The following ATP2C1 variants were observed in gnomAD, a reference collection of about 807,000 sequenced individuals.
The protein encoded by ATP2C1 is ATPase secretory pathway Ca2+ transporting 1, also known as calcium-transporting ATPase type 2C member 1.
A neutral mutation model predicts 120.5 loss-of-function variants in ATP2C1; 31 were observed. The observed-to-expected ratio is 0.26, with a 90% CI of 0.19 to 0.35. The LOEUF (loss-of-function observed/expected upper bound fraction) is 0.35. Ranked by LOEUF, ATP2C1 falls within the 10% of genes least tolerant of loss-of-function variation. The pLI, the probability that ATP2C1 is intolerant of heterozygous loss-of-function variation, is 1.00. For synonymous variants in ATP2C1, 351 were observed against 358.7 expected (o/e 0.98, Z 0.24); for missense variants, 731 against 1,107.5 (o/e 0.66, Z 4.83).
At chr3:130,916,296 A>G (rs904693742) in intron 2 of ATP2C1, among the ~76,000 whole-genome samples, 1 of 151,870 alleles carries the variant, frequency 6.6e-6, no homozygotes, top group Non-Finnish European at 1.5e-5. Flanking sequence ...TGTGCCTGTA[A>G]TCCCAGCTAC....
chr3:130,933,760 G>T (rs1303799997), intron 4 of ATP2C1, among the ~76,000 whole-genome samples: 1 of 152,192 alleles, frequency 6.6e-6, no homozygotes, highest in Non-Finnish European at 1.5e-5. Flanking sequence ...CATTGGTATT[G>T]TTAAAAGTTT....
chr3:130,907,900 A>G (rs2058211760), intron 2 of ATP2C1, among the ~76,000 whole-genome samples: 1 of 152,080 alleles, frequency 6.6e-6, no homozygotes, highest in Non-Finnish European at 1.5e-5. Flanking sequence ...AGGTACAAAC[A>G]TAAGACTTTT....
chr3:130,972,110 C>G (rs950097611), intron 17 of ATP2C1, among the ~76,000 whole-genome samples: 3 of 152,198 alleles, frequency 2.0e-5, no homozygotes, highest in South Asian at 4.1e-4. Context: ...GCATTAGATT[C>G]TCTTAAGGAG....
intron 1 of ATP2C1, among the ~76,000 whole-genome samples, chr3:130,857,264 T>C (rs2067872032): frequency 6.6e-6 from 1 of 152,242 alleles, no homozygotes; most frequent in Non-Finnish European, 1.5e-5. Context: ...TTATCATTGA[T>C]AGCTTGCATA....
chr3:130,971,930 T>C (rs2061332543), intron 17 of ATP2C1, among the ~76,000 whole-genome samples: 1 of 152,180 alleles, frequency 6.6e-6, no homozygotes, highest in Admixed American at 6.5e-5. Flanking sequence ...AAGGCTGGCA[T>C]CTCCCTACTG....
intron 18 of ATP2C1, among the ~76,000 whole-genome samples, chr3:130,977,695 G>A (rs2061583086): frequency 6.6e-6 from 1 of 152,100 alleles, no homozygotes; most frequent in South Asian, 2.1e-4. Context: ...GTTGGTAGAG[G>A]GGAAAGTTTT....
At chr3:131,006,631 GTGTT>G (rs779471458), downstream of ATP2C1, among the ~76,000 whole-genome samples, 662 of 61,578 alleles carry the variant, frequency 0.011, 5 homozygotes, top group Middle Eastern at 0.026. Context: ...TTTCTAGTGT[GTGTT>G]TGTGTGTGTG....
At chr3:130,920,235 G>A (rs530594627) in intron 2 of ATP2C1, among the ~76,000 whole-genome samples, 2 of 152,222 alleles carry the variant, frequency 1.3e-5, no homozygotes, top group African/African-American at 4.8e-5. Context: ...TATGCTTTTG[G>A]TATTAAATCC....
At chr3:130,930,327 T>A (rs1468782626) in intron 2 of ATP2C1, 89 bp from the exon 3 acceptor site, 6 of 835,396 alleles carry the variant, frequency 7.2e-6, no homozygotes, top group Non-Finnish European at 1.2e-5. Context: ...GAAAATTAGT[T>A]GCTGTGAACT....
At chr3:130,895,674 G>A (rs2069560400) in intron 2 of ATP2C1, among the ~76,000 whole-genome samples, 1 of 152,220 alleles carries the variant, frequency 6.6e-6, no homozygotes, top group African/African-American at 2.4e-5. Flanking sequence ...ATATGTGTCT[G>A]GTATAAAGGA....
At chr3:130,899,788 C>T (rs963740775) in intron 2 of ATP2C1, among the ~76,000 whole-genome samples, 22 of 152,160 alleles carry the variant, frequency 1.4e-4, no homozygotes, top group African/African-American at 3.1e-4. Flanking sequence ...CAGTAATAGT[C>T]GGGGTCAGAA....
intron 20 of ATP2C1, among the ~76,000 whole-genome samples, chr3:130,983,095 C>CAT (rs199917612): frequency 5.4e-4 from 82 of 151,168 alleles, no homozygotes; most frequent in African/African-American, 1.0e-3. Context: ...GCATAGCATG[C>CAT]ATATATATAT....
chr3:130,974,012 C>A (rs2061440187), intron 17 of ATP2C1, among the ~76,000 whole-genome samples: 2 of 152,060 alleles, frequency 1.3e-5, no homozygotes, highest in Admixed American at 1.3e-4. Context: ...TACAGCAGGC[C>A]TAGAAATCAG....
rs1304160788 is a variant in ATP2C1, at chr3:130,916,797, CTCTA to C, written c.7-13615_7-13612del. The stretch of plus-strand genomic sequence containing the variant: ...TTCTTTTTTTATTCAGCTCTCAGTT[CTCTA>C]TCTTTTTATTGTCCAAAAACCATAC... On this transcript the variant is annotated intron_variant, in intron 2 of 27. Coordinates refer to ENST00000510168, the MANE Select transcript of ATP2C1 (RefSeq NM_001378687.1). Among the ~76,000 whole-genome samples, 7 of 152,224 alleles carry C rather than the reference CTCTA, an allele frequency of 4.6e-5. No individual in the cohort carries two copies. In the East Asian group the frequency reaches 5.8e-4, roughly 13 times the overall value.
intron 1 of ATP2C1, among the ~76,000 whole-genome samples, chr3:130,873,346 AGTCTCATCTTCATCACCTT>A (rs1357686048): frequency 2.6e-5 from 4 of 152,212 alleles, no homozygotes; most frequent in Non-Finnish European, 4.4e-5. Context: ...CCTTTGTATG[AGTCTCATCTTCATCACCTT>A]TAAGAAGCAA....
At chr3:130,954,880 A>T (rs1317657391) in intron 9 of ATP2C1, 132 bp from the exon 10 acceptor site, 1 of 696,174 alleles carries the variant, frequency 1.4e-6, no homozygotes, top group Non-Finnish European at 2.6e-6. Flanking sequence ...TTTGCTGAGG[A>T]AATCTTAGGA....
intron 2 of ATP2C1, among the ~76,000 whole-genome samples, chr3:130,917,431 A>G (rs901020083): frequency 3.3e-5 from 5 of 152,160 alleles, no homozygotes; most frequent in African/African-American, 9.7e-5. Context: ...TCTAAGTAAG[A>G]CTTTAGATTT....
At chr3:130,882,067 G>A (rs2068800938) in intron 1 of ATP2C1, among the ~76,000 whole-genome samples, 1 of 152,100 alleles carries the variant, frequency 6.6e-6, no homozygotes, top group South Asian at 2.1e-4. Context: ...AATTGCTCTA[G>A]TTAGGACTTC....
chr3:131,001,329 A>G lies in ATP2C1; in HGVS notation c.2739A>G (p.Ser913=). Reference sequence around the variant, plus strand: ...TCCAGAAGCATGTTAGTTCGACATCATCATCTTTTCTTGAAGTATGATGCA... The same window carrying G: ...TCCAGAAGCATGTTAGTTCGACATCGTCATCTTTTCTTGAAGTATGATGCA... The part of the protein sequence containing the change: ...EKIQKHVSST[S]SSFLEV Residue 913 remains serine, a synonymous_variant, in exon 28 of 28, where the codon TCA becomes TCG. Coordinates refer to ENST00000510168, the MANE Select transcript of ATP2C1 (RefSeq NM_001378687.1). The G allele has an allele frequency of 1.2e-6, 2 of 1,613,542 alleles. No individual in the cohort carries two copies. Among genetic ancestry groups the G allele is most frequent in the Non-Finnish European group, 1.7e-6 (2 of 1,179,650 alleles).
Sources: gnomAD v4.1 joint callset for allele counts (sites outside exome capture counted in the v4.1 genomes callset) on GRCh38, gnomAD v4.1.1 for gene constraint, MANE v1.5 for transcripts, NCBI Gene and HGNC (gene_info 2026-07-23, HGNC 2026-07-21) for gene names.